PHACTR3: variants seen among roughly 807,000 people sequenced by gnomAD.
The protein encoded by PHACTR3 is protein phosphatase 1, regulatory subunit 123.
A neutral mutation model predicts 66.8 loss-of-function variants in PHACTR3; 16 were observed. The ratio of observed to expected loss-of-function variants is 0.24; its 90% CI spans 0.16 to 0.36. PHACTR3 has a LOEUF of 0.36. Ranked by LOEUF, PHACTR3 falls within the 10% of genes least tolerant of loss-of-function variation. The probability of loss-of-function intolerance (pLI) is 1.00; values close to 1 mark genes in which losing one functional copy is unlikely to be tolerated. For missense variants in PHACTR3, 647 were observed against 719.9 expected, an observed-to-expected ratio of 0.90 and a Z score of 1.16; for synonymous variants, 323 against 292.1, an observed-to-expected ratio of 1.11 and a Z score of -1.08.
intron 1 of PHACTR3, among the ~76,000 whole-genome samples, chr20:59,677,459 T>G (rs1008762006): frequency 6.6e-6 from 1 of 152,186 alleles, no homozygotes; most frequent in Non-Finnish European, 1.5e-5. Flanking sequence ...AAGTTGGATG[T>G]CTGGAGTTGG....
chr20:59,675,829 C>T (rs1299743440), intron 1 of PHACTR3, among the ~76,000 whole-genome samples: 1 of 152,202 alleles, frequency 6.6e-6, no homozygotes, highest in East Asian at 1.9e-4. Context: ...GGCCCCTCCC[C>T]AGCTGACCCT....
rs557199123 is a variant in PHACTR3 at position 59,716,996 on chromosome 20, G to T, written c.119-26111G>T. ...CTCTCTTAGTGTTAGTAAAATACATGAATGAATGAATGAGTGAATTAATGG... is the reference window on the plus strand; with the variant it reads ...CTCTCTTAGTGTTAGTAAAATACATTAATGAATGAATGAGTGAATTAATGG... On this transcript the variant is annotated intron_variant, in intron 1 of 12. Transcript: ENST00000371015. 8.0e-5 allele frequency among the ~76,000 whole-genome samples: 12 copies of T among 150,106 alleles called. 1 individual carries two copies. The East Asian group carries it at 1.9e-3, about 24-fold the overall frequency.
intron 1 of PHACTR3, among the ~76,000 whole-genome samples, chr20:59,708,915 G>A (rs2037814527): frequency 6.6e-6 from 1 of 152,152 alleles, no homozygotes; most frequent in South Asian, 2.1e-4. Context: ...CCTTCTCTGG[G>A]GGAAAGAGAG....
chr20:59,620,453 C>A (rs139322559), intron 1 of PHACTR3, among the ~76,000 whole-genome samples: 1 of 152,196 alleles, frequency 6.6e-6, no homozygotes, highest in Non-Finnish European at 1.5e-5. Context: ...CCTTAGCGTC[C>A]GCCAATGTGG....
At chr20:59,669,124 C>T (rs982168336) in intron 1 of PHACTR3, among the ~76,000 whole-genome samples, 1 of 152,074 alleles carries the variant, frequency 6.6e-6, no homozygotes, top group Non-Finnish European at 1.5e-5. Flanking sequence ...GTGACTTCAG[C>T]CTGGCAGCTC....
chr20:59,697,825 C>G (rs566593236), intron 1 of PHACTR3, among the ~76,000 whole-genome samples: 20 of 152,298 alleles, frequency 1.3e-4, no homozygotes, highest in African/African-American at 4.8e-4. Context: ...TATGCTGCAT[C>G]CTGTGTTTTA....
intron 7 of PHACTR3, among the ~76,000 whole-genome samples, chr20:59,784,880 A>G (rs6027108): frequency 0.16 from 23,912 of 152,154 alleles, 4,742 homozygotes; most frequent in African/African-American, 0.46. Context: ...GGCTCATTCA[A>G]TCTTGGCTGC....
chr20:59,789,033 C>T (rs1352359592), intron 7 of PHACTR3, among the ~76,000 whole-genome samples: 5 of 152,180 alleles, frequency 3.3e-5, no homozygotes, highest in Admixed American at 3.3e-4. Flanking sequence ...GGTAGCTGCC[C>T]TCCCACTAAA....
chr20:59,633,438 GGGA>G, intron 1 of PHACTR3, among the ~76,000 whole-genome samples: 2 of 152,216 alleles, frequency 1.3e-5, no homozygotes, highest in South Asian at 4.2e-4. Context: ...ACTTATAAGT[GGGA>G]GTTGAACATT....
At chr20:59,759,344 T>A (rs1195461381) in intron 4 of PHACTR3, among the ~76,000 whole-genome samples, 1 of 152,194 alleles carries the variant, frequency 6.6e-6, no homozygotes, top group Non-Finnish European at 1.5e-5. Flanking sequence ...AATGCACTGG[T>A]TAAAAATTTG....
At chr20:59,777,333 C>T (rs138243354) in intron 7 of PHACTR3, among the ~76,000 whole-genome samples, 7 of 152,314 alleles carry the variant, frequency 4.6e-5, no homozygotes, top group African/African-American at 1.4e-4. Flanking sequence ...GGACTTGGCA[C>T]ATCTTTTAGA....
chr20:59,579,797 A>T (rs2146297353), intron 1 of PHACTR3, among the ~76,000 whole-genome samples: 1 of 152,312 alleles, frequency 6.6e-6, no homozygotes, highest in East Asian at 1.9e-4. Context: ...GGACCTGCTC[A>T]TGACTTGGGT....
rs141968445 is a variant in PHACTR3, at chr20:59,833,132, C to T, written c.1329-3373C>T. ...AGCCAGTGGGGTCCTGGCCTGAGCA[C>T]CCTTTTGCTCTGTTTACAACCCTGT... On this transcript the variant is annotated intron_variant, in intron 8 of 12. Transcript: ENST00000371015. Among the ~76,000 whole-genome samples the T allele has an allele frequency of 8.1e-4, 123 of 152,292 alleles. 1 individual carries two copies. Among genetic ancestry groups the T allele is most frequent in the African/African-American group, 2.8e-3 (118 of 41,558 alleles).
intron 1 of PHACTR3, among the ~76,000 whole-genome samples, chr20:59,659,139 GATT>G (rs1175104159): frequency 1.3e-5 from 2 of 151,884 alleles, no homozygotes; most frequent in Non-Finnish European, 2.9e-5. Context: ...CTGCTATCAC[GATT>G]ATTTCAAAGT....
chr20:59,790,338 C>T (rs1462461103), intron 7 of PHACTR3, among the ~76,000 whole-genome samples: 1 of 152,144 alleles, frequency 6.6e-6, no homozygotes, highest in African/African-American at 2.4e-5. Context: ...AAGCAGTAGC[C>T]AGCCCGGTGA....
At chr20:59,746,682 G>C (rs1412377639) in intron 2 of PHACTR3, among the ~76,000 whole-genome samples, 1 of 152,218 alleles carries the variant, frequency 6.6e-6, no homozygotes. Flanking sequence ...GCTAAGCCAG[G>C]TGGGCTGACT....
chr20:59,823,969 A>G (rs1568858442), intron 8 of PHACTR3, among the ~76,000 whole-genome samples: 1 of 152,256 alleles, frequency 6.6e-6, no homozygotes, highest in Non-Finnish European at 1.5e-5. Flanking sequence ...TGGTGTGGCC[A>G]GGCAGTTCTG....
chr20:59,618,167 TG>T (rs1231229526), intron 1 of PHACTR3, among the ~76,000 whole-genome samples: 2 of 151,766 alleles, frequency 1.3e-5, no homozygotes, highest in African/African-American at 2.4e-5. Context: ...GGCCAGGTGG[TG>T]GGGGCAGCTT....
Position 59,738,942 on chromosome 20 carries a change from G to T in PHACTR3, c.119-4165G>T, listed in dbSNP as rs572859015. On this transcript the variant is annotated intron_variant, in intron 1 of 12. Coordinates refer to ENST00000371015, the MANE Select transcript of PHACTR3 (RefSeq NM_080672.5). The surrounding 1 kb of genome is among the most constrained non-coding windows in gnomAD (Gnocchi z 4.4). The stretch of plus-strand genomic sequence containing the variant: ...TGCTCAGGACAGCAGGCTTTCCCAG[G>T]GCCATGTGGAGTCACAGTCTTGCTC... 6.6e-6 allele frequency among the ~76,000 whole-genome samples: 1 copy of T among 152,196 alleles called. No individual in the cohort carries two copies. The highest frequency in any genetic ancestry group is 2.4e-5 in the African/African-American group (1 of 41,546).
Sources: allele counts gnomAD v4.1 joint callset (sites outside exome capture counted in the v4.1 genomes callset), GRCh38; gene constraint gnomAD v4.1.1; non-coding constraint Gnocchi (gnomAD v3.1); transcripts MANE v1.5; gene names NCBI Gene and HGNC (gene_info 2026-07-23, HGNC 2026-07-21).